TFRC: variants seen among roughly 807,000 people sequenced by gnomAD.
TFRC encodes transferrin receptor protein 1.
TFRC carries 35 observed loss-of-function variants against 85.8 expected under a neutral mutation model. The ratio of observed to expected loss-of-function variants is 0.41; its 90% CI spans 0.31 to 0.54. TFRC has a LOEUF of 0.54. Among genes scored for constraint, TFRC ranks in the 20% least tolerant of loss-of-function variants. TFRC has a pLI of 0.31. For synonymous variants in TFRC, 362 were observed against 328.6 expected, an observed-to-expected ratio of 1.10 and a Z score of -1.10; for missense variants, 828 against 921.5, an observed-to-expected ratio of 0.90 and a Z score of 1.31.
In TFRC at chr3:196,072,126, G is replaced by A. The variant is rs1264592439; in HGVS notation, c.461C>T (p.Pro154Leu). Residue 154 changes from proline (P) to leucine (L), a missense_variant, in exon 5 of 19, where the codon CCT becomes CTT. Coordinates refer to ENST00000360110, the MANE Select transcript of TFRC (RefSeq NM_001128148.3). ...IKLLNENSYV[P>L]REAGSQKDEN... is the part of the protein sequence containing the mutation. ...ATCTTTTTGAGATCCAGCCTCACGA[G>A]GGACATATGAATTTTCATTCAGCAG... 6.2e-7 allele frequency: 1 copy of A among 1,613,616 alleles called. No individual in the cohort carries two copies. The highest frequency in any genetic ancestry group is 1.7e-5 in the Admixed American group (1 of 59,880).
chr3:196,063,911 ACT>A (rs1206763157), intron 11 of TFRC, among the ~76,000 whole-genome samples: 2 of 152,106 alleles, frequency 1.3e-5, no homozygotes, highest in Non-Finnish European at 2.9e-5. Flanking sequence ...ACAGAGTGAA[ACT>A]CTGTCTCAAA....
chr3:196,058,194 G>A, intron 16 of TFRC, 90 bp downstream of exon 16: 1 of 1,002,386 alleles, frequency 1.0e-6, no homozygotes, highest in South Asian at 1.4e-5. Flanking sequence ...TATAGCACAG[G>A]CATTCCCATT....
intron 18 of TFRC, 21 bp from the exon 19 acceptor site, chr3:196,052,205 G>GC: frequency 6.2e-7 from 1 of 1,609,656 alleles, no homozygotes; most frequent in Non-Finnish European, 8.5e-7. Flanking sequence ...AACACACAAG[G>GC]CAATTTACAC....
chr3:196,062,640 G>A lies in TFRC; in HGVS notation c.1410C>T (p.Tyr470=). Residue 470 remains tyrosine, a synonymous_variant, in exon 13 of 19, where the codon TAC becomes TAT. Coordinates refer to ENST00000360110, the MANE Select transcript of TFRC (RefSeq NM_001128148.3). ...SVGATEWLEG[Y]LSSLHLKAFT... ...AAGCCTTTAAATGCAGGGACGAAAG[G>A]TATCCCTAGAAGAGAAGGGAAAACA... is the stretch of plus-strand genomic sequence containing the variant. The A allele has an allele frequency of 6.2e-7, 1 of 1,609,132 alleles. No homozygotes were observed. Among genetic ancestry groups the A allele is most frequent in the Non-Finnish European group, 8.5e-7 (1 of 1,178,502 alleles).
chr3:196,074,180 T>C (rs970292288), intron 3 of TFRC, 55 bp from the exon 4 acceptor site: 34 of 1,463,562 alleles, frequency 2.3e-5, no homozygotes, highest in Non-Finnish European at 3.1e-5. Context: ...AATCTATCCC[T>C]GTTAATCTGT....
chr3:196,054,201 G>A (rs1369841668), intron 17 of TFRC, among the ~76,000 whole-genome samples: 1 of 151,668 alleles, frequency 6.6e-6, no homozygotes, highest in Non-Finnish European at 1.5e-5. Context: ...TCTCGCCACT[G>A]CACTTCAGCC....
intron 6 of TFRC, among the ~76,000 whole-genome samples, chr3:196,070,620 A>C (rs1718109142): frequency 6.6e-6 from 1 of 151,772 alleles, no homozygotes; most frequent in South Asian, 2.1e-4. Context: ...TAATTTGACT[A>C]TATTTGCCTA....
At chr3:196,054,038 A>C (rs1716565443) in intron 17 of TFRC, among the ~76,000 whole-genome samples, 1 of 151,936 alleles carries the variant, frequency 6.6e-6, no homozygotes, top group Non-Finnish European at 1.5e-5. Flanking sequence ...GGAGTTCAAG[A>C]CCAGCCTGGC....
intron 11 of TFRC, among the ~76,000 whole-genome samples, chr3:196,063,594 T>C (rs1287063055): frequency 6.6e-6 from 1 of 151,850 alleles, no homozygotes; most frequent in Non-Finnish European, 1.5e-5. Context: ...TGTGGGTGGG[T>C]AGGAGTGTGA....
intron 16 of TFRC, 58 bp from the exon 17 acceptor site, chr3:196,055,359 A>C (rs900805577): frequency 1.4e-6 from 2 of 1,468,586 alleles, no homozygotes; most frequent in African/African-American, 2.8e-5. Flanking sequence ...AGAGCCTCAC[A>C]TTCTGGCTTC....
intron 12 of TFRC, 26 bp downstream of exon 12, chr3:196,062,828 A>G (rs1274644507): frequency 1.2e-6 from 2 of 1,610,226 alleles, no homozygotes; most frequent in East Asian, 2.2e-5. Context: ...CTCGTGTCCA[A>G]TATGGGAAGG....
In TFRC at chr3:196,067,503, C is replaced by T; in HGVS notation, c.1040+15G>A. On this transcript the variant is annotated intron_variant, in intron 9 of 18. Coordinates refer to ENST00000360110, the MANE Select transcript of TFRC (RefSeq NM_001128148.3). ...AAACCTCACTATGCAAGACCGCTTT[C>T]AAATAAAAACTTACCCAAACAGCTT... The T allele has an allele frequency of 6.2e-7, 1 of 1,611,960 alleles. No homozygotes were observed. The highest frequency in any genetic ancestry group is 1.1e-5 in the South Asian group (1 of 90,744).
At chr3:196,058,115 T>C in intron 16 of TFRC, 169 bp downstream of exon 16, 1 of 509,806 alleles carries the variant, frequency 2.0e-6, no homozygotes, top group African/African-American at 2.0e-5. Context: ...CAAAGTAATT[T>C]TGTAATCCTC....
chr3:196,069,232 G>A (rs1332506927), intron 7 of TFRC, among the ~76,000 whole-genome samples: 3 of 152,172 alleles, frequency 2.0e-5, no homozygotes, highest in East Asian at 3.9e-4. Context: ...CTGTATATGC[G>A]TAAAACTGAG....
rs183266456 is a variant in TFRC at position 196,075,886 on chromosome 3, G to T, written c.37-526C>A. Reference sequence around the variant, plus strand: ...CATGCCTGTAATCCCAGCACTCTGGGGGGGGCCGAGGCACACAGATCATTT... The same window carrying T: ...CATGCCTGTAATCCCAGCACTCTGGTGGGGGCCGAGGCACACAGATCATTT... On this transcript the variant is annotated intron_variant, in intron 2 of 18. Transcript: ENST00000360110. Among the ~76,000 whole-genome samples the T allele has an allele frequency of 4.3e-4, 66 of 151,782 alleles. 1 individual carries two copies. Among genetic ancestry groups the T allele is most frequent in the East Asian group, 3.7e-3 (19 of 5,168 alleles).
intron 9 of TFRC, among the ~76,000 whole-genome samples, chr3:196,066,014 C>T (rs1035874643): frequency 6.7e-6 from 1 of 149,724 alleles, no homozygotes; most frequent in African/African-American, 2.4e-5. Flanking sequence ...CAAAACAAAA[C>T]AAAATAAAAA....
chr3:196,062,174 T>G (rs1210618884), intron 13 of TFRC, among the ~76,000 whole-genome samples: 2 of 151,240 alleles, frequency 1.3e-5, no homozygotes, highest in Non-Finnish European at 1.5e-5. Context: ...GCCAAGATTG[T>G]GCCACTGCAC....
At chr3:196,054,163 G>A (rs1000642404) in intron 17 of TFRC, among the ~76,000 whole-genome samples, 4 of 152,164 alleles carry the variant, frequency 2.6e-5, no homozygotes, top group African/African-American at 7.2e-5. Context: ...GCGTGAACCC[G>A]GGAGGCGCAT....
At position 196,062,929 on chromosome 3, in the gene TFRC, C is replaced by G. The variant is rs771060509; in HGVS notation, c.1329G>C (p.Gln443His). Residue 443 changes from glutamine (Q) to histidine (H), a missense_variant, in exon 12 of 19, where the codon CAG becomes CAC. Coordinates refer to ENST00000360110, the MANE Select transcript of TFRC (RefSeq NM_001128148.3). ...FSDMVLKDGFQPSRSIIFASW... is the reference protein window; with the variant it reads ...FSDMVLKDGFHPSRSIIFASW... ...TGGCAAAGATAATGCTTCTGCTGGGCTGAAACCCATCTGAAAGAGAAAAAA... is the reference window on the plus strand; with the variant it reads ...TGGCAAAGATAATGCTTCTGCTGGGGTGAAACCCATCTGAAAGAGAAAAAA... The G allele has an allele frequency of 6.2e-7, 1 of 1,614,056 alleles. No homozygotes were observed. Among genetic ancestry groups the G allele is most frequent in the Admixed American group, 1.7e-5 (1 of 60,000 alleles).
Sources: gnomAD v4.1 joint callset for allele counts (sites outside exome capture counted in the v4.1 genomes callset) on GRCh38, gnomAD v4.1.1 for gene constraint, MANE v1.5 for transcripts, NCBI Gene and HGNC (gene_info 2026-07-23, HGNC 2026-07-21) for gene names.